TIA1: variants seen among roughly 807,000 people sequenced by gnomAD.
The protein encoded by TIA1 is TIA1 cytotoxic granule associated RNA binding protein, also known as cytotoxic granule associated RNA binding protein TIA1.
TIA1 carries 23 observed loss-of-function variants against 65.9 expected under a neutral mutation model. The observed-to-expected ratio is 0.35, with a 90% CI of 0.25 to 0.49. The LOEUF (loss-of-function observed/expected upper bound fraction) is 0.49. TIA1 is among the 20% of genes least tolerant of loss of function. TIA1 has a pLI of 0.98. For synonymous variants in TIA1, 147 were observed against 149.4 expected (o/e 0.98, Z 0.12); for missense variants, 371 against 477.9 (o/e 0.78, Z 2.09).
chr2:70,232,897 C>G (rs1318950409), intron 2 of TIA1, among the ~76,000 whole-genome samples: 1 of 151,880 alleles, frequency 6.6e-6, no homozygotes, highest in African/African-American at 2.4e-5. Flanking sequence ...CCCTTTTCTG[C>G]TGGTGTTCCA....
chr2:70,221,798 A>AT (rs59035343), intron 7 of TIA1, among the ~76,000 whole-genome samples: 41,135 of 149,418 alleles, frequency 0.28, 6,110 homozygotes, highest in East Asian at 0.38. Flanking sequence ...TAAAAAAAAA[A>AT]TTTTTTTTTT....
At position 70,210,751 on chromosome 2, in the gene TIA1, T is replaced by TA. The variant is rs1447859524; in HGVS notation, c.*1967dup. Reference sequence around the variant, plus strand: ...ATCTAAAAATAGCTTCCTGATATTTTATTTTAAAATATTTCATTTAAGCTG... The same window carrying TA: ...ATCTAAAAATAGCTTCCTGATATTTTAATTTTAAAATATTTCATTTAAGCTG... On this transcript the variant is annotated 3_prime_UTR_variant, in exon 13 of 13. Coordinates refer to ENST00000433529, the MANE Select transcript of TIA1 (RefSeq NM_022173.4). The TA allele has an allele frequency of 1.3e-5, 2 of 152,204 alleles. No homozygotes were observed. Among genetic ancestry groups the TA allele is most frequent in the African/African-American group, 4.8e-5 (2 of 41,446 alleles). The allele number at this position is 152,204 out of a possible 1,614,324, so 9.4% of individuals were successfully genotyped here.
In TIA1 at chr2:70,229,293, G is replaced by A. The variant is rs1685084121; in HGVS notation, c.248C>T (p.Thr83Ile). The A allele has an allele frequency of 6.2e-7, 1 of 1,612,892 alleles. No homozygotes were observed. The part of the protein sequence containing the change: ...GKEVKVNWAT[T>I]PSSQKKDTSS... ...TGTATCTTTCTTTTGACTGCTAGGG[G>A]TTGTTGCCCAATTCACTTTGACTTC... The change falls in exon 4 of 13, where the codon ACC becomes ATC. Residue 83 changes from threonine to isoleucine, a missense_variant. Transcript: ENST00000433529.
chr2:70,235,575 T>A (rs74814151), intron 2 of TIA1, among the ~76,000 whole-genome samples: 23 of 151,940 alleles, frequency 1.5e-4, no homozygotes, highest in Admixed American at 1.5e-3. Flanking sequence ...TGTGTGTATG[T>A]GTGTGTGTTT....
chr2:70,219,573 G>A (rs759972414), intron 7 of TIA1, among the ~76,000 whole-genome samples: 4 of 152,084 alleles, frequency 2.6e-5, no homozygotes, highest in African/African-American at 9.7e-5. Flanking sequence ...TTGGGCTCAA[G>A]TGATACTCCC....
rs980957890 is a variant in TIA1 at position 70,209,977 on chromosome 2, G to A, written c.*2742C>T. The A allele has an allele frequency of 2.8e-6, 1 of 354,296 alleles. No homozygotes were observed. Among genetic ancestry groups the A allele is most frequent in the African/African-American group, 2.1e-5 (1 of 47,836 alleles). The allele number at this position is 354,296 out of a possible 1,614,324, so 21.9% of individuals were successfully genotyped here. ...AGGAGGAAAATAAAGACTAGAATGTGAATCTCATTTTCAACAAGTATCAGC... is the reference window on the plus strand; with the variant it reads ...AGGAGGAAAATAAAGACTAGAATGTAAATCTCATTTTCAACAAGTATCAGC... On this transcript the variant is annotated 3_prime_UTR_variant, in exon 13 of 13. Transcript: ENST00000433529.
At chr2:70,232,698 A>C (rs1311727095) in intron 2 of TIA1, among the ~76,000 whole-genome samples, 2 of 150,656 alleles carry the variant, frequency 1.3e-5, no homozygotes, top group Non-Finnish European at 3.0e-5. Flanking sequence ...GTGAAACCTC[A>C]TCTCTACTAA....
intron 3 of TIA1, among the ~76,000 whole-genome samples, chr2:70,230,394 T>G (rs1490022525): frequency 6.6e-6 from 1 of 152,162 alleles, no homozygotes; most frequent in Non-Finnish European, 1.5e-5. Flanking sequence ...CTCACATCTA[T>G]AATCCCAACA....
At chr2:70,218,992 C>T (rs898261281) in intron 7 of TIA1, among the ~76,000 whole-genome samples, 1 of 151,862 alleles carries the variant, frequency 6.6e-6, no homozygotes, top group South Asian at 2.1e-4. Flanking sequence ...TATTGAAATG[C>T]GGAGAAAGAC....
intron 3 of TIA1, among the ~76,000 whole-genome samples, chr2:70,230,075 C>A (rs1685507761): frequency 6.6e-6 from 1 of 151,804 alleles, no homozygotes. Flanking sequence ...AACCCTGTTT[C>A]TACTAAAAAT....
chr2:70,212,681 A>T lies in TIA1; in HGVS notation c.*38T>A. 2.3e-6 allele frequency: 3 copies of T among 1,302,782 alleles called. No individual in the cohort carries two copies. The highest frequency in any genetic ancestry group is 2.2e-6 in the Non-Finnish European group (2 of 895,880). 80.7% of individuals were successfully genotyped at this position (1,302,782 alleles called of 1,614,324 possible). A position where few individuals can be genotyped will look rare whatever the true frequency, so the allele number is the denominator to read the frequency against. ...ACAACGGCTTTACTACACTCCCTGT[A>T]GCCTCAAGCCACTGGCTTTAGATTC... On this transcript the variant is annotated 3_prime_UTR_variant, in exon 13 of 13. Transcript: ENST00000433529.
chr2:70,224,254 A>G (rs1682844005), intron 7 of TIA1, among the ~76,000 whole-genome samples: 1 of 152,210 alleles, frequency 6.6e-6, no homozygotes, highest in South Asian at 2.1e-4. Flanking sequence ...TTAAACTACC[A>G]TGGGAATATA....
chr2:70,240,810 T>A (rs544064439), intron 1 of TIA1, among the ~76,000 whole-genome samples: 1 of 152,244 alleles, frequency 6.6e-6, no homozygotes, highest in Admixed American at 6.5e-5. Context: ...AGGTGGACAT[T>A]GCAGTGAGCT....
chr2:70,225,781 T>A (rs1312884668), intron 6 of TIA1, among the ~76,000 whole-genome samples: 2 of 152,186 alleles, frequency 1.3e-5, no homozygotes, highest in African/African-American at 2.4e-5. Context: ...ATGCATTTAA[T>A]CTGGTAGCTG....
intron 2 of TIA1, among the ~76,000 whole-genome samples, chr2:70,231,624 T>C (rs370452228): frequency 1.3e-5 from 2 of 152,206 alleles, no homozygotes; most frequent in Non-Finnish European, 2.9e-5. Context: ...CAGATTAAGT[T>C]TGACTGAACT....
intron 1 of TIA1, among the ~76,000 whole-genome samples, chr2:70,238,383 GC>G (rs2104627041): frequency 7.2e-6 from 1 of 138,708 alleles, no homozygotes; most frequent in South Asian, 2.4e-4. Context: ...TGATTCTCCT[GC>G]CTCAGCCACC....
chr2:70,217,414 TC>T (rs1482078046), intron 7 of TIA1, among the ~76,000 whole-genome samples: 11 of 151,774 alleles, frequency 7.2e-5, no homozygotes, highest in Non-Finnish European at 1.0e-4. Flanking sequence ...CTTTTTTTTT[TC>T]TTTTTTAAGT....
intron 1 of TIA1, among the ~76,000 whole-genome samples, chr2:70,242,494 C>CAAAA (rs11380260): frequency 0.013 from 430 of 33,464 alleles, 125 homozygotes; most frequent in Admixed American, 0.061. Flanking sequence ...GACTCAGTCT[C>CAAAA]AAAAAAAAAA....
At chr2:70,232,208 CAAAAAAA>C (rs11427986) in intron 2 of TIA1, among the ~76,000 whole-genome samples, 974 of 63,908 alleles carry the variant, frequency 0.015, 12 homozygotes, top group African/African-American at 0.058. Flanking sequence ...GACTCTGTCT[CAAAAAAA>C]AAAAAAAAAA....
Sources: allele counts gnomAD v4.1 joint callset (sites outside exome capture counted in the v4.1 genomes callset), GRCh38; gene constraint gnomAD v4.1.1; transcripts MANE v1.5; gene names NCBI Gene and HGNC (gene_info 2026-07-23, HGNC 2026-07-21).